DRAM1: variants seen among roughly 807,000 people sequenced by gnomAD.
DRAM1 encodes DNA damage regulated autophagy modulator 1.
A neutral mutation model predicts 28.5 loss-of-function variants in DRAM1; 25 were observed. That is an observed-to-expected ratio of 0.88 (90% confidence interval 0.64 to 1.23). The LOEUF (loss-of-function observed/expected upper bound fraction) is 1.23, where lower values mean the gene tolerates loss of function less well. DRAM1 is among the 50% of genes most tolerant of loss of function. The probability of loss-of-function intolerance (pLI) is 0.00; values close to 1 mark genes in which losing one functional copy is unlikely to be tolerated. For synonymous variants in DRAM1, 113 were observed against 114.2 expected (o/e 0.99, Z 0.07); for missense variants, 249 against 299.2 (o/e 0.83, Z 1.24).
chr12:101,894,085 C>CA (rs1387627080), intron 1 of DRAM1, among the ~76,000 whole-genome samples: 8 of 151,814 alleles, frequency 5.3e-5, no homozygotes, highest in African/African-American at 1.5e-4. Context: ...TAGGTGCCGC[C>CA]ATGCCTGGCT....
intron 2 of DRAM1, 39 bp downstream of exon 2, chr12:101,897,969 C>T: frequency 8.0e-7 from 1 of 1,242,678 alleles, no homozygotes; most frequent in Non-Finnish European, 1.1e-6. Flanking sequence ...TTGAAAAGCT[C>T]ACAATTCCAA....
intron 1 of DRAM1, among the ~76,000 whole-genome samples, chr12:101,897,323 C>T (rs911187022): frequency 2.6e-5 from 4 of 151,890 alleles, no homozygotes; most frequent in African/African-American, 9.7e-5. Flanking sequence ...CTTCAGCCTC[C>T]CAAGTAGTTG....
At chr12:101,889,961 A>AG (rs2121044231) in intron 1 of DRAM1, 1 of 383,150 alleles carries the variant, frequency 2.6e-6, no homozygotes, top group East Asian at 8.2e-5. Context: ...AAAAAAAAAA[A>AG]AGATGCCAGT....
intron 2 of DRAM1, among the ~76,000 whole-genome samples, chr12:101,899,719 A>G (rs1395078719): frequency 3.3e-5 from 5 of 150,534 alleles, no homozygotes; most frequent in Admixed American, 6.6e-5. Flanking sequence ...ATAAGTTATT[A>G]GTTTTTAGCC....
At chr12:101,908,449 G>A (rs1197964570) in intron 4 of DRAM1, 86 bp downstream of exon 4, 1 of 1,372,420 alleles carries the variant, frequency 7.3e-7, no homozygotes, top group Non-Finnish European at 1.0e-6. Context: ...ACTTTATAGG[G>A]ACCGCTGCAA....
At chr12:101,919,278 A>G (rs1874379391) in intron 5 of DRAM1, among the ~76,000 whole-genome samples, 2 of 141,224 alleles carry the variant, frequency 1.4e-5, no homozygotes, top group African/African-American at 5.3e-5. Flanking sequence ...ACACAGACAC[A>G]CACACGCACA....
chr12:101,903,926 T>TACACACACACAC (rs775764624), intron 3 of DRAM1, among the ~76,000 whole-genome samples: 1 of 135,924 alleles, frequency 7.4e-6, no homozygotes, highest in Non-Finnish European at 1.6e-5. Flanking sequence ...CACACACACA[T>TACACACACACAC]ACACACACAC....
chr12:101,917,508 G>A (rs184015500), intron 5 of DRAM1, among the ~76,000 whole-genome samples: 14 of 150,622 alleles, frequency 9.3e-5, no homozygotes, highest in African/African-American at 2.9e-4. Flanking sequence ...CCAATATGGC[G>A]AAACCCTGTC....
intron 2 of DRAM1, among the ~76,000 whole-genome samples, chr12:101,899,499 T>C (rs1317222070): frequency 3.3e-5 from 5 of 151,568 alleles, no homozygotes; most frequent in Admixed American, 2.0e-4. Context: ...CTACAAAAAG[T>C]TAAAAAAGAA....
intron 5 of DRAM1, among the ~76,000 whole-genome samples, chr12:101,915,141 G>A (rs1049224712): frequency 2.6e-5 from 4 of 151,680 alleles, no homozygotes; most frequent in African/African-American, 9.7e-5. Context: ...CACCACCCCC[G>A]GCTACTTTTT....
intron 1 of DRAM1, among the ~76,000 whole-genome samples, chr12:101,894,797 C>G (rs557440802): frequency 6.6e-6 from 1 of 152,306 alleles, no homozygotes; most frequent in South Asian, 2.1e-4. Context: ...TCATTGCCTT[C>G]CCTTTCTCCA....
At chr12:101,896,238 A>T (rs1873366663) in intron 1 of DRAM1, among the ~76,000 whole-genome samples, 1 of 152,226 alleles carries the variant, frequency 6.6e-6, no homozygotes, top group Non-Finnish European at 1.5e-5. Flanking sequence ...CGCAAAACTT[A>T]AAAAATTCCT....
chr12:101,880,936 C>G (rs1296201640), intron 1 of DRAM1, among the ~76,000 whole-genome samples: 1 of 152,164 alleles, frequency 6.6e-6, no homozygotes, highest in Admixed American at 6.6e-5. Context: ...CAACACACAA[C>G]AAACATTTGT....
chr12:101,901,078 GGTGTGTGTGTGTGTGTGTGTGTGTGTGT>G (rs67125604), intron 2 of DRAM1, among the ~76,000 whole-genome samples, 185 bp from the exon 3 acceptor site: 11 of 143,050 alleles, frequency 7.7e-5, no homozygotes, highest in Non-Finnish European at 1.7e-4. Context: ...ACAGCCAAGG[GGTGTGTGTGTGTGTGTGTGTGTGTGTGT>G]GTGTGTGTGT....
In DRAM1 at chr12:101,921,382, C is replaced by G; in HGVS notation, c.*122C>G. 3 of 750,648 alleles carry G rather than the reference C, an allele frequency of 4.0e-6. No homozygotes were observed. The highest frequency in any genetic ancestry group is 7.1e-6 in the Non-Finnish European group (3 of 423,066). 46.5% of individuals were successfully genotyped at this position (750,648 alleles called of 1,614,324 possible). A position where few individuals can be genotyped will look rare whatever the true frequency, so the allele number is the denominator to read the frequency against. On this transcript the variant is annotated 3_prime_UTR_variant, in exon 7 of 7. Transcript: ENST00000258534. ...GGATGCATCTGCAGCACATCCAGGA[C>G]TTGAATTTCATTACGAGTTCCTAAT...
At chr12:101,881,002 A>T (rs1391842024) in intron 1 of DRAM1, among the ~76,000 whole-genome samples, 1 of 152,202 alleles carries the variant, frequency 6.6e-6, no homozygotes, top group Non-Finnish European at 1.5e-5. Flanking sequence ...TGCTTACCTG[A>T]GCAGCCGGAG....
intron 1 of DRAM1, among the ~76,000 whole-genome samples, chr12:101,893,722 G>A (rs529478528): frequency 1.6e-3 from 238 of 151,916 alleles, no homozygotes; most frequent in African/African-American, 5.4e-3. Flanking sequence ...ACCTAATGGT[G>A]CCTGGTGGGT....
chr12:101,882,575 C>G (rs1872727790), intron 1 of DRAM1, among the ~76,000 whole-genome samples: 1 of 151,188 alleles, frequency 6.6e-6, no homozygotes, highest in Non-Finnish European at 1.5e-5. Flanking sequence ...GCAAATGGCT[C>G]TTATACACAT....
At chr12:101,917,279 A>T (rs934896271) in intron 5 of DRAM1, among the ~76,000 whole-genome samples, 2 of 152,244 alleles carry the variant, frequency 1.3e-5, no homozygotes, top group African/African-American at 4.8e-5. Flanking sequence ...CAGGGTGGCT[A>T]GAGGAGACAG....
Sources: gnomAD v4.1 joint callset for allele counts (sites outside exome capture counted in the v4.1 genomes callset) on GRCh38, gnomAD v4.1.1 for gene constraint, MANE v1.5 for transcripts, NCBI Gene and HGNC (gene_info 2026-07-23, HGNC 2026-07-21) for gene names.